The following ASTN1 variants were observed in gnomAD, a reference collection of about 807,000 sequenced individuals.
The protein encoded by ASTN1 is astrotactin 1, also known as astrotactin-1.
A neutral mutation model predicts 140.7 loss-of-function variants in ASTN1; 41 were observed. The observed-to-expected ratio is 0.29, with a 90% confidence interval of 0.23 to 0.38. The LOEUF is 0.38. ASTN1 is among the 10% of genes least tolerant of loss of function. ASTN1 has a pLI of 1.00. For missense variants in ASTN1, 1,479 were observed against 1,678.8 expected (o/e 0.88, Z 2.08); for synonymous variants, 640 against 652.2 (o/e 0.98, Z 0.29).
intron 16 of ASTN1, among the ~76,000 whole-genome samples, chr1:176,906,083 T>C (rs142969684): frequency 5.7e-4 from 87 of 152,308 alleles, no homozygotes; most frequent in African/African-American, 1.8e-3. Context: ...TGGCAAGCCA[T>C]ATACCAGCAG....
intron 17 of ASTN1, among the ~76,000 whole-genome samples, chr1:176,890,712 A>G (rs1422270906): frequency 6.6e-6 from 1 of 152,212 alleles, no homozygotes; most frequent in East Asian, 1.9e-4. Flanking sequence ...TCCATCTTCA[A>G]TTCACACCAC....
intron 2 of ASTN1, among the ~76,000 whole-genome samples, chr1:177,050,516 C>G (rs1315532149): frequency 6.6e-6 from 1 of 152,138 alleles, no homozygotes; most frequent in Non-Finnish European, 1.5e-5. Context: ...ATAGAGGTAT[C>G]ATCAGGAGAG....
At chr1:176,860,020 G>A (rs1162133515), downstream of ASTN1, among the ~76,000 whole-genome samples, 1 of 152,138 alleles carries the variant, frequency 6.6e-6, no homozygotes, top group Non-Finnish European at 1.5e-5. Flanking sequence ...TCTGAGCTGG[G>A]ACTGTGGACC....
chr1:177,081,649 G>A (rs1679184602), intron 1 of ASTN1, among the ~76,000 whole-genome samples: 1 of 152,144 alleles, frequency 6.6e-6, no homozygotes, highest in Non-Finnish European at 1.5e-5. Context: ...ATGCAGTGAT[G>A]GCAGGGTGCC....
chr1:177,097,950 C>T (rs1020583747), intron 1 of ASTN1, among the ~76,000 whole-genome samples: 1 of 152,224 alleles, frequency 6.6e-6, no homozygotes, highest in Non-Finnish European at 1.5e-5. Context: ...AAGCACCTCA[C>T]ATCTTCCCCC....
chr1:177,085,972 T>C (rs868692108), intron 1 of ASTN1, among the ~76,000 whole-genome samples: 44 of 152,232 alleles, frequency 2.9e-4, no homozygotes, highest in African/African-American at 9.1e-4. Context: ...AGAAATTAAG[T>C]TGTTGAACTC....
At chr1:177,064,191 T>C (rs1446116451) in intron 1 of ASTN1, among the ~76,000 whole-genome samples, 7 of 152,158 alleles carry the variant, frequency 4.6e-5, no homozygotes, top group African/African-American at 1.4e-4. Context: ...TCTCAGAGCA[T>C]GCACAGACAG....
At position 177,026,664 on chromosome 1, in the gene ASTN1, A is replaced by G. The variant is rs1676131579; in HGVS notation, c.1121-1932T>C. Among the ~76,000 whole-genome samples the G allele has an allele frequency of 2.6e-5, 4 of 152,060 alleles. No individual in the cohort carries two copies. In the South Asian group the frequency reaches 8.3e-4, roughly 31 times the overall value. ...GTTCCCTTTTCTCCACATCCTCACC[A>G]GTGTTTGTGATTGCCTGTCTTTGGA... On this transcript the variant is annotated intron_variant, in intron 5 of 22. Coordinates refer to ENST00000361833, the MANE Select transcript of ASTN1 (RefSeq NM_004319.3).
chr1:177,086,371 AT>A (rs1221369385), intron 1 of ASTN1, among the ~76,000 whole-genome samples: 1 of 152,180 alleles, frequency 6.6e-6, no homozygotes, highest in African/African-American at 2.4e-5. Flanking sequence ...AAGAAAAAAA[AT>A]AGCAATAATC....
chr1:176,996,959 A>G (rs967132673), intron 8 of ASTN1, among the ~76,000 whole-genome samples: 8 of 152,216 alleles, frequency 5.3e-5, no homozygotes, highest in Admixed American at 1.3e-4. Context: ...GAAAACGAGA[A>G]AAGTTAAAAC....
intron 1 of ASTN1, among the ~76,000 whole-genome samples, chr1:177,101,955 A>G (rs1558095989): frequency 6.6e-6 from 1 of 152,188 alleles, no homozygotes; most frequent in Non-Finnish European, 1.5e-5. Context: ...CCAAGGCAAG[A>G]TTGGGTCTCA....
rs766532720 is a variant in ASTN1 at position 177,164,685 on chromosome 1, C to T, written c.-9G>A. ...AGCCCGGCTAAAGCCATCTTGAGCC[C>T]CGGCCGCCTTCCTCCTAGCGCTGCG... On this transcript the variant is annotated 5_prime_UTR_variant, in exon 1 of 23. Coordinates refer to ENST00000361833, the MANE Select transcript of ASTN1 (RefSeq NM_004319.3). 1.9e-5 allele frequency: 29 copies of T among 1,548,668 alleles called. No homozygotes were observed.
At chr1:176,943,836 C>A in intron 14 of ASTN1, 55 bp downstream of exon 14, 1 of 1,517,058 alleles carries the variant, frequency 6.6e-7, no homozygotes, top group South Asian at 1.3e-5. Context: ...TTTTATGAAA[C>A]TGCAGGGAGC....
intron 1 of ASTN1, among the ~76,000 whole-genome samples, chr1:177,088,213 G>A (rs1429763148): frequency 6.6e-6 from 1 of 152,184 alleles, no homozygotes. Context: ...AGCACCTAAA[G>A]AGAATGGAAG....
intron 11 of ASTN1, among the ~76,000 whole-genome samples, chr1:176,950,800 A>C (rs1483394642): frequency 2.0e-5 from 3 of 152,068 alleles, no homozygotes; most frequent in Non-Finnish European, 4.4e-5. Flanking sequence ...ACATATCGCC[A>C]ACAAGTTAAC....
intron 16 of ASTN1, among the ~76,000 whole-genome samples, chr1:176,907,858 A>G (rs577697925): frequency 6.6e-6 from 1 of 152,352 alleles, no homozygotes; most frequent in African/African-American, 2.4e-5. Context: ...ACTGCCATGA[A>G]GAAAACTTTA....
chr1:176,992,520 C>G (rs1674237382), intron 8 of ASTN1, among the ~76,000 whole-genome samples: 1 of 152,128 alleles, frequency 6.6e-6, no homozygotes, highest in Admixed American at 6.6e-5. Context: ...CTTGTATCCA[C>G]TGACGTGAAG....
At chr1:177,145,378 T>C (rs1384906104) in intron 1 of ASTN1, among the ~76,000 whole-genome samples, 1 of 152,194 alleles carries the variant, frequency 6.6e-6, no homozygotes, top group Non-Finnish European at 1.5e-5. Flanking sequence ...CCAGGCTCAC[T>C]GTATGTCCAA....
chr1:176,999,669 A>C (rs182135817), intron 8 of ASTN1, among the ~76,000 whole-genome samples: 1 of 152,170 alleles, frequency 6.6e-6, no homozygotes, highest in Admixed American at 6.5e-5. Context: ...CCCACCCAAA[A>C]TGTCATCTTG....
Sources: allele counts gnomAD v4.1 joint callset (sites outside exome capture counted in the v4.1 genomes callset), GRCh38; gene constraint gnomAD v4.1.1; transcripts MANE v1.5; gene names NCBI Gene and HGNC (gene_info 2026-07-23, HGNC 2026-07-21).